The following ZNF395 variants were observed in gnomAD, a reference collection of about 807,000 sequenced individuals.
The protein encoded by ZNF395 is zinc finger protein 395, also known as HD gene regulatory region-binding protein 2.
ZNF395 carries 20 observed loss-of-function variants against 57.7 expected under a neutral mutation model. The ratio of observed to expected loss-of-function variants is 0.35; its 90% CI spans 0.24 to 0.50. The LOEUF is 0.50. ZNF395 is among the 20% of genes least tolerant of loss of function. The pLI, the probability that ZNF395 is intolerant of heterozygous loss-of-function variation, is 0.97. For synonymous variants in ZNF395, 295 were observed against 275.9 expected (o/e 1.07, Z -0.69); for missense variants, 606 against 671.2 (o/e 0.90, Z 1.07).
intron 1 of ZNF395, among the ~76,000 whole-genome samples, chr8:28,366,923 G>C (rs930562898): frequency 6.6e-6 from 1 of 151,654 alleles, no homozygotes; most frequent in African/African-American, 2.4e-5. Context: ...GCCTTAGCAA[G>C]AGCATCAAAA....
Position 28,345,867 on chromosome 8 carries a change from G to A in ZNF395, c.*2852C>T, listed in dbSNP as rs997677052. ...CAGTCTCCACAACCAAATGAATATT[G>A]TTCTCCAAGGAGTCAAGCTATAGAC... On this transcript the variant is annotated 3_prime_UTR_variant, in exon 10 of 10. Transcript: ENST00000344423. The A allele has an allele frequency of 2.0e-5, 3 of 149,366 alleles. No homozygotes were observed. Among genetic ancestry groups the A allele is most frequent in the African/African-American group, 7.4e-5 (3 of 40,532 alleles). The allele number at this position is 149,366 out of a possible 1,614,324, so 9.3% of individuals were successfully genotyped here. A position where few individuals can be genotyped will look rare whatever the true frequency, so the allele number is the denominator to read the frequency against.
chr8:28,361,021 T>G lies in ZNF395; in HGVS notation c.104A>C (p.Glu35Ala). 6.2e-7 allele frequency: 1 copy of G among 1,610,534 alleles called. No individual in the cohort carries two copies. The highest frequency in any genetic ancestry group is 8.5e-7 in the Non-Finnish European group (1 of 1,178,286). Reference sequence around the variant, plus strand: ...GGGAGCGGCCCCTTCTAGCAGTGGCTCCGAGGGTGGGGCAGCCGAGGGCCC... The same window carrying G: ...GGGAGCGGCCCCTTCTAGCAGTGGCGCCGAGGGTGGGGCAGCCGAGGGCCC... Reference protein sequence around the residue: ...SEGPSAAPPSEPLLEGAAPQP... With the variant: ...SEGPSAAPPSAPLLEGAAPQP... The change falls in exon 2 of 10, where the codon GAG becomes GCG. Residue 35 changes from glutamate (E) to alanine (A), a missense_variant. By Grantham distance (107) the Glu-to-Ala change is moderately radical. This residue lies in a region of ZNF395 where 309 missense variants were observed against 374.7 expected (regional missense o/e 0.82). Transcript: ENST00000344423.
In ZNF395 at chr8:28,352,895, T is replaced by TA. The variant is rs1223192278; in HGVS notation, c.820-223dup. ...CAACAGCAGTGCTCCATGCTGTGGC[T>TA]AAGACCCTACTGGAGGCCTCTCCCA... is the stretch of plus-strand genomic sequence containing the variant. On this transcript the variant is annotated intron_variant, in intron 5 of 9. Coordinates refer to ENST00000344423, the MANE Select transcript of ZNF395 (RefSeq NM_018660.3). The surrounding 1 kb of genome is among the most constrained non-coding windows in gnomAD (Gnocchi z 4.0). Among the ~76,000 whole-genome samples the TA allele has an allele frequency of 6.6e-6, 1 of 152,206 alleles. No individual in the cohort carries two copies. Among genetic ancestry groups the TA allele is most frequent in the Non-Finnish European group, 1.5e-5 (1 of 68,042 alleles).
chr8:28,362,411 T>C (rs1585857134), intron 1 of ZNF395, among the ~76,000 whole-genome samples: 1 of 152,352 alleles, frequency 6.6e-6, no homozygotes, highest in East Asian at 1.9e-4. Context: ...TATTCGCTCA[T>C]TTGCTTATTA....
At position 28,352,497 on chromosome 8, in the gene ZNF395, T is replaced by G. The variant is rs1281143838; in HGVS notation, c.920+76A>C. On this transcript the variant is annotated intron_variant, in intron 6 of 9. Transcript: ENST00000344423. The surrounding 1 kb of genome is among the most constrained non-coding windows in gnomAD (Gnocchi z 4.0). ...ACGTTCCTGAAAGCACTGTGGGCTG[T>G]GGGTCACAGGGACTCGGCAGGGTGG... is the stretch of plus-strand genomic sequence containing the variant. 6 of 1,330,634 alleles carry G rather than the reference T, an allele frequency of 4.5e-6. No individual in the cohort carries two copies. Among genetic ancestry groups the G allele is most frequent in the Non-Finnish European group, 6.4e-6 (6 of 934,812 alleles). The allele number at this position is 1,330,634 out of a possible 1,614,324, so 82.4% of individuals were successfully genotyped here. A position where few individuals can be genotyped will look rare whatever the true frequency, so the allele number is the denominator to read the frequency against.
In ZNF395 at chr8:28,360,942, G is replaced by A. The variant is rs750290663; in HGVS notation, c.183C>T (p.Val61=). 2 of 1,613,960 alleles carry A rather than the reference G, an allele frequency of 1.2e-6. No individual in the cohort carries two copies. The highest frequency in any genetic ancestry group is 1.7e-6 in the Non-Finnish European group (2 of 1,179,978). Residue 61 remains valine (V), a synonymous_variant, in exon 2 of 10, where the codon GTC becomes GTT. Transcript: ENST00000344423. ...DTPCQEQPKE[V]LKAPSTSGLQ... is the part of the protein sequence containing the mutation. The stretch of plus-strand genomic sequence containing the variant: ...GGCCCGAGGTGCTGGGAGCCTTAAG[G>A]ACTTCCTTGGGCTGCTCCTGGCAGG...
chr8:28,385,408 C>CT (rs978273281), intron 1 of ZNF395: 1 of 151,814 alleles, frequency 6.6e-6, no homozygotes, highest in Non-Finnish European at 1.5e-5. Flanking sequence ...CCCCGCCCCC[C>CT]CCCCGGGCAC....
rs181432371 is a variant in ZNF395, at chr8:28,356,218, G to A, written c.583+452C>T. On this transcript the variant is annotated intron_variant, in intron 4 of 9. Transcript: ENST00000344423. This position sits in a 1 kb window ranked among gnomAD's most constrained non-coding sequence, Gnocchi z 4.0. ...CTTTAGAATTTAGCTCATTTATTCC[G>A]GGTCCTTGTCCCATAGGCCCACACT... 5.9e-5 allele frequency among the ~76,000 whole-genome samples: 9 copies of A among 152,144 alleles called. No individual in the cohort carries two copies. In the South Asian group the frequency reaches 6.2e-4, roughly 11 times the overall value.
Position 28,351,519 on chromosome 8 carries a change from G to A in ZNF395, c.1209C>T (p.His403=). ...CCTGGTATGCATGATCTGCCTGAAT[G>A]TGCCAGAAGGACCCAGGAGCTGACT... ...LSKSAPGSFW[H]IQADHAYQAL... is the part of the protein sequence containing the mutation. The change falls in exon 7 of 10, where the codon CAC becomes CAT. Residue 403 remains histidine, a synonymous_variant. Coordinates refer to ENST00000344423, the MANE Select transcript of ZNF395 (RefSeq NM_018660.3). 1 of 1,610,202 alleles carries A rather than the reference G, an allele frequency of 6.2e-7. No individual in the cohort carries two copies. The highest frequency in any genetic ancestry group is 8.5e-7 in the Non-Finnish European group (1 of 1,177,064).
intron 1 of ZNF395, among the ~76,000 whole-genome samples, chr8:28,381,114 T>A (rs1348516355): frequency 6.6e-6 from 1 of 151,876 alleles, no homozygotes; most frequent in African/African-American, 2.4e-5. Context: ...CAATCTCGGC[T>A]CACTGCAAGC....
In ZNF395 at chr8:28,353,517, T is replaced by C. The variant is rs943925547; in HGVS notation, c.584-109A>G. On this transcript the variant is annotated intron_variant, in intron 4 of 9. Transcript: ENST00000344423. The stretch of plus-strand genomic sequence containing the variant: ...AGAGGAGTTCATTCATGGCAGCAAT[T>C]TCTCTTGGTAGAACTGCTCTACCCT... 4.7e-6 allele frequency: 4 copies of C among 852,492 alleles called. No individual in the cohort carries two copies. The African/African-American group carries it at 6.8e-5, about 15-fold the overall frequency. The allele number at this position is 852,492 out of a possible 1,614,324, so 52.8% of individuals were successfully genotyped here. A position where few individuals can be genotyped will look rare whatever the true frequency, so the allele number is the denominator to read the frequency against.
intron 1 of ZNF395, 89 bp downstream of exon 1, chr8:28,386,304 C>G (rs1379878648): frequency 6.6e-6 from 1 of 151,354 alleles, no homozygotes; most frequent in African/African-American, 2.4e-5. Flanking sequence ...CGCCCAGCGG[C>G]GACACTCGGG....
chr8:28,360,923 A>C lies in ZNF395; in HGVS notation c.202T>G (p.Ser68Ala). 6.2e-7 allele frequency: 1 copy of C among 1,613,928 alleles called. No individual in the cohort carries two copies. Among genetic ancestry groups the C allele is most frequent in the South Asian group, 1.1e-5 (1 of 91,078 alleles). The change falls in exon 2 of 10, where the codon TCG (serine) becomes GCG (alanine). Residue 68 changes from serine (S) to alanine (A), a missense_variant. This residue lies in a region of ZNF395 where 309 missense variants were observed against 374.7 expected (regional missense o/e 0.82). Transcript: ENST00000344423. ...PKEVLKAPSTSGLQQVAFQPG... is the reference protein window; with the variant it reads ...PKEVLKAPSTAGLQQVAFQPG... Reference sequence around the variant, plus strand: ...TGAAAGGCCACCTGCTGAAGGCCCGAGGTGCTGGGAGCCTTAAGGACTTCC... The same window carrying C: ...TGAAAGGCCACCTGCTGAAGGCCCGCGGTGCTGGGAGCCTTAAGGACTTCC...
intron 1 of ZNF395, among the ~76,000 whole-genome samples, chr8:28,379,755 T>C (rs1244988935): frequency 6.7e-6 from 1 of 149,942 alleles, no homozygotes; most frequent in East Asian, 1.9e-4. Context: ...CCCTTTCTTG[T>C]CCTTGAACCA....
At chr8:28,349,714 C>T (rs1801654181) in intron 8 of ZNF395, among the ~76,000 whole-genome samples, 1 of 152,238 alleles carries the variant, frequency 6.6e-6, no homozygotes, top group Admixed American at 6.5e-5. Context: ...TCCACATTCT[C>T]CCCCTTCCTC....
intron 1 of ZNF395, among the ~76,000 whole-genome samples, chr8:28,362,084 T>A (rs1585856971): frequency 7.5e-6 from 1 of 133,364 alleles, no homozygotes; most frequent in Admixed American, 7.6e-5. Flanking sequence ...ACAACAAGAC[T>A]CAGACTCAAA....
At chr8:28,350,180 C>T (rs1303136391) in intron 7 of ZNF395, 24 bp from the exon 8 acceptor site, 4 of 1,578,972 alleles carry the variant, frequency 2.5e-6, no homozygotes, top group Non-Finnish European at 3.4e-6. Context: ...GGGTGTCAGC[C>T]CGGATTCTAG....
At chr8:28,354,798 C>T (rs573793278) in intron 4 of ZNF395, among the ~76,000 whole-genome samples, 67 of 151,258 alleles carry the variant, frequency 4.4e-4, no homozygotes, top group African/African-American at 1.5e-3. Context: ...GGTGAAAGAC[C>T]CACGCACATC....
rs747421979 is a variant in ZNF395, at chr8:28,359,773, T to G, written c.292A>C (p.Ser98Arg). 2 of 1,614,134 alleles carry G rather than the reference T, an allele frequency of 1.2e-6. No homozygotes were observed. Among genetic ancestry groups the G allele is most frequent in the Non-Finnish European group, 1.7e-6 (2 of 1,180,036 alleles). ...ACGGTCACCTGACCCTCCATCCAGC[T>G]GTGCTGCTCCACCAGTCCTGTGCAC... ...QECTGLVEQHSWMEGQVTVWL... is the reference protein window; with the variant it reads ...QECTGLVEQHRWMEGQVTVWL... The change falls in exon 3 of 10, where the codon AGC becomes CGC. Residue 98 changes from serine (S) to arginine (R), a missense_variant. Ser to Arg is a moderately radical substitution (Grantham distance 110, BLOSUM62 -1). Around this residue, in one of 3 missense-constraint regions of ZNF395, gnomAD observed 309 missense variants for 374.7 expected, o/e 0.82. Coordinates refer to ENST00000344423, the MANE Select transcript of ZNF395 (RefSeq NM_018660.3). The surrounding 1 kb of genome is among the most constrained non-coding windows in gnomAD (Gnocchi z 4.7).
Sources: allele counts gnomAD v4.1 joint callset (sites outside exome capture counted in the v4.1 genomes callset), GRCh38; gene constraint gnomAD v4.1.1; regional missense constraint gnomAD v4.1.1; non-coding constraint Gnocchi (gnomAD v3.1); transcripts MANE v1.5; gene names NCBI Gene and HGNC (gene_info 2026-07-23, HGNC 2026-07-21).